The following COL4A5 variants were observed in gnomAD, a reference collection of about 807,000 sequenced individuals.
COL4A5 encodes collagen type IV alpha 5 chain, also known as collagen alpha-5(IV) chain.
COL4A5 carries 26 observed loss-of-function variants against 130.2 expected under a neutral mutation model. The ratio of observed to expected loss-of-function variants is 0.20; its 90% confidence interval spans 0.15 to 0.28. The LOEUF is 0.28. Ranked by LOEUF, COL4A5 falls within the 10% of genes least tolerant of loss-of-function variation. The pLI is 1.00. For missense variants in COL4A5, 1,131 were observed against 1,344.3 expected, an observed-to-expected ratio of 0.84 and a Z score of 2.48; for synonymous variants, 496 against 439.6, an observed-to-expected ratio of 1.13 and a Z score of -1.60.
intron 49 of COL4A5, among the ~76,000 whole-genome samples, chrX:108,691,010 G>A (rs1178348061): frequency 9.0e-6 from 1 of 111,312 alleles, no homozygotes; most frequent in Non-Finnish European, 1.9e-5. Flanking sequence ...GTCATTTGCA[G>A]CAACATGGTT....
At chrX:108,511,150 CTTAATATT>C (rs1385458056) in intron 1 of COL4A5, among the ~76,000 whole-genome samples, 1 of 111,588 alleles carries the variant, frequency 9.0e-6, no homozygotes, top group Non-Finnish European at 1.9e-5. Context: ...TTTCTTTCTA[CTTAATATT>C]TTAATATGAG....
intron 36 of COL4A5, among the ~76,000 whole-genome samples, chrX:108,637,004 G>A (rs763961024): frequency 1.6e-4 from 16 of 100,554 alleles, no homozygotes; most frequent in South Asian, 4.9e-4. Context: ...GTGCAGTGGC[G>A]TGATTGTGGC....
At chrX:108,526,644 CTTTCTTTCTTTCTTTCT>C (rs2065321674) in intron 1 of COL4A5, among the ~76,000 whole-genome samples, 1 of 56,042 alleles carries the variant, frequency 1.8e-5, no homozygotes, top group Non-Finnish European at 2.8e-5. Context: ...TTCTTTCTTT[CTTTCTTTCTTTCTTTCT>C]TCTTTCTTTC....
Position 108,534,150 on chromosome X carries a change from GAGAA to G in COL4A5, c.82-5592_82-5589del, listed in dbSNP as rs750750979. Reference sequence around the variant, plus strand: ...TGGATATTTAAAAGAAAGAGAGAAAGAGAAAGAGAGAGAGAGAAAGAGAAAGAAA... The same window carrying G: ...TGGATATTTAAAAGAAAGAGAGAAAGAGAGAGAGAGAGAAAGAGAAAGAAA... On this transcript the variant is annotated intron_variant, in intron 1 of 52. Transcript: ENST00000328300. 4.6e-3 allele frequency among the ~76,000 whole-genome samples: 501 copies of G among 109,095 alleles called. 2 individuals carry two copies. Among genetic ancestry groups the G allele is most frequent in the African/African-American group, 0.016 (478 of 30,076 alleles). 94.7% of individuals were successfully genotyped at this position (109,095 alleles called of 115,157 possible).
intron 36 of COL4A5, among the ~76,000 whole-genome samples, chrX:108,651,910 AT>A (rs1177676041): frequency 8.9e-6 from 1 of 111,909 alleles, no homozygotes; most frequent in East Asian, 2.8e-4. Context: ...TGAAGGTCTT[AT>A]TGTATAATTC....
chrX:108,600,294 T>C (rs972967808), intron 25 of COL4A5, among the ~76,000 whole-genome samples: 6 of 112,095 alleles, frequency 5.4e-5, no homozygotes, highest in African/African-American at 1.9e-4. Context: ...TTGCCATTTT[T>C]ACTCTTTGTT....
At chrX:108,649,209 AC>A (rs771413345) in intron 36 of COL4A5, among the ~76,000 whole-genome samples, 390 of 111,607 alleles carry the variant, frequency 3.5e-3, no homozygotes, top group Non-Finnish European at 4.9e-3. Flanking sequence ...GAGACGAAAG[AC>A]CTCTCTACAA....
At chrX:108,638,547 T>C (rs1209826182) in intron 36 of COL4A5, among the ~76,000 whole-genome samples, 1 of 111,870 alleles carries the variant, frequency 8.9e-6, no homozygotes. Context: ...CCTTTCAACA[T>C]AGTACTGGAA....
At chrX:108,476,153 G>A (rs2064830729) in intron 1 of COL4A5, among the ~76,000 whole-genome samples, 1 of 111,866 alleles carries the variant, frequency 8.9e-6, no homozygotes, top group Non-Finnish European at 1.9e-5. Context: ...CATCAGAAAT[G>A]GCTATGAAAT....
chrX:108,591,181 C>A lies in COL4A5; in HGVS notation c.1289C>A (p.Ala430Asp), dbSNP rs142883891. ...CCTGGACTTGACGGACAGCCTGGGG[C>A]TCCTGGGCTTCCAGGGCCTCCTGGC... ...GPPGLDGQPG[A>D]PGLPGPPGPA... Residue 430 changes from alanine (A) to aspartate (D), a missense_variant, in exon 20 of 53, where the codon GCT becomes GAT. Coordinates refer to ENST00000328300, the MANE Select transcript of COL4A5 (RefSeq NM_033380.3). 6,247 of 1,208,648 alleles carry A rather than the reference C, an allele frequency of 5.2e-3. 12 individuals are homozygous for A. The highest frequency in any genetic ancestry group is 5.6e-3 in the Non-Finnish European group (4,966 of 894,671).
At chrX:108,664,815 G>A (rs1041338824) in intron 37 of COL4A5, among the ~76,000 whole-genome samples, 1 of 111,850 alleles carries the variant, frequency 8.9e-6, no homozygotes, top group Non-Finnish European at 1.9e-5. Flanking sequence ...AAAGGTGATC[G>A]ATGTCGTTAG....
chrX:108,582,015 C>A (rs181846092), intron 16 of COL4A5, among the ~76,000 whole-genome samples: 2 of 109,906 alleles, frequency 1.8e-5, no homozygotes, highest in African/African-American at 3.3e-5. Context: ...CAAGAGTATC[C>A]GCAGTAGGCA....
At chrX:108,689,847 A>G in intron 49 of COL4A5, 1 of 754,119 alleles carries the variant, frequency 1.3e-6, no homozygotes, top group Non-Finnish European at 1.6e-6. Flanking sequence ...TTAAAGTCTT[A>G]TAACTATGGG....
chrX:108,578,250 T>C (rs1338870573), intron 12 of COL4A5, 41 bp from the exon 13 acceptor site: 2 of 1,149,139 alleles, frequency 1.7e-6, no homozygotes, highest in Non-Finnish European at 2.4e-6. Flanking sequence ...TCTGTGGAGA[T>C]TATGAAGTAT....
At chrX:108,476,251 T>G (rs1432311865) in intron 1 of COL4A5, among the ~76,000 whole-genome samples, 4 of 111,691 alleles carry the variant, frequency 3.6e-5, no homozygotes, top group Non-Finnish European at 7.5e-5. Flanking sequence ...TTATTTATTT[T>G]AAATTTTTAA....
At chrX:108,595,807 T>C (rs994472740) in intron 22 of COL4A5, among the ~76,000 whole-genome samples, 2 of 112,649 alleles carry the variant, frequency 1.8e-5, no homozygotes, top group African/African-American at 3.2e-5. Flanking sequence ...TATTAAAGCA[T>C]TTTGACAATA....
At chrX:108,468,415 C>T (rs776960720) in intron 1 of COL4A5, among the ~76,000 whole-genome samples, 23 of 111,906 alleles carry the variant, frequency 2.1e-4, no homozygotes, top group African/African-American at 6.5e-4. Flanking sequence ...ATTGGTGAAA[C>T]CAAGCATCCT....
At chrX:108,456,451 C>G (rs959442414) in intron 1 of COL4A5, among the ~76,000 whole-genome samples, 41 of 111,778 alleles carry the variant, frequency 3.7e-4, no homozygotes, top group Admixed American at 2.7e-3. Flanking sequence ...TTCATTAGTT[C>G]TAGTAGTCGT....
At chrX:108,607,773 A>G (rs1223231070) in intron 29 of COL4A5, among the ~76,000 whole-genome samples, 1 of 111,574 alleles carries the variant, frequency 9.0e-6, no homozygotes. Flanking sequence ...TGTTTCTTAT[A>G]TAAATACCAG....
Sources: allele counts gnomAD v4.1 joint callset (sites outside exome capture counted in the v4.1 genomes callset), GRCh38; gene constraint gnomAD v4.1.1; transcripts MANE v1.5; gene names NCBI Gene and HGNC (gene_info 2026-07-23, HGNC 2026-07-21).